GNB1: variants seen among roughly 807,000 people sequenced by gnomAD.
GNB1 encodes the protein guanine nucleotide-binding protein G(I)/G(S)/G(T) subunit beta-1.
A neutral mutation model predicts 42.9 loss-of-function variants in GNB1; 2 were observed. That is an observed-to-expected ratio of 0.05 (90% CI 0.02 to 0.15). The LOEUF is 0.15. GNB1 is among the 10% of genes least tolerant of loss of function. GNB1 has a pLI of 1.00. For synonymous variants in GNB1, 183 were observed against 174.7 expected (o/e 1.05, Z -0.38); for missense variants, 193 against 462.2 (o/e 0.42, Z 5.34).
chr1:1,845,880 T>C (rs1464583891), intron 1 of GNB1, among the ~76,000 whole-genome samples: 1 of 147,026 alleles, frequency 6.8e-6, no homozygotes, highest in Non-Finnish European at 1.5e-5. Context: ...CACGTATATC[T>C]CCTATCTCTT....
chr1:1,868,701 A>G (rs1308822318), intron 1 of GNB1, among the ~76,000 whole-genome samples: 1 of 151,176 alleles, frequency 6.6e-6, no homozygotes, highest in African/African-American at 2.4e-5. Context: ...AATTGCTTGA[A>G]CCCAGGAGGC....
intron 7 of GNB1, among the ~76,000 whole-genome samples, chr1:1,802,641 C>T (rs905722267): frequency 6.6e-6 from 1 of 151,652 alleles, no homozygotes; most frequent in Non-Finnish European, 1.5e-5. Context: ...TGGTGGTGCA[C>T]GCCTGTAATC....
In GNB1 at chr1:1,790,491, A is replaced by G; in HGVS notation, c.603T>C (p.Ser201=). 1.2e-6 allele frequency: 2 copies of G among 1,613,722 alleles called. No homozygotes were observed. Among genetic ancestry groups the G allele is most frequent in the Non-Finnish European group, 1.7e-6 (2 of 1,179,656 alleles). The change falls in exon 9 of 12, where the codon TCT becomes TCC. Residue 201 remains serine (S), a synonymous_variant. Coordinates refer to ENST00000378609, the MANE Select transcript of GNB1 (RefSeq NM_002074.5). The surrounding 1 kb of genome is among the most constrained non-coding windows in gnomAD (Gnocchi z 5.4). ...SLAPDTRLFV[S]GACDASAKLW... ...GTTTGGCTGAAGCATCACAAGCACC[A>G]GAGACGAACAGTCTGGTGTCAGGAG...
intron 2 of GNB1, 183 bp from the exon 3 acceptor site, chr1:1,825,682 G>A: frequency 2.6e-6 from 1 of 387,618 alleles, no homozygotes; most frequent in Non-Finnish European, 4.8e-6. Flanking sequence ...GGCTAACACG[G>A]TCAAACCCCT....
At chr1:1,798,098 G>A (rs1028120442) in intron 7 of GNB1, among the ~76,000 whole-genome samples, 2 of 152,256 alleles carry the variant, frequency 1.3e-5, no homozygotes, top group African/African-American at 4.8e-5. Flanking sequence ...TTCAAGTTCA[G>A]TAAGAAGGAA....
At chr1:1,836,857 T>TA (rs1491256414) in intron 2 of GNB1, among the ~76,000 whole-genome samples, 2 of 44,752 alleles carry the variant, frequency 4.5e-5, no homozygotes, top group East Asian at 8.9e-4. Context: ...GACTGCTAAC[T>TA]TTTTTTTTTT....
At chr1:1,847,898 C>A (rs1647758232) in intron 1 of GNB1, among the ~76,000 whole-genome samples, 1 of 152,184 alleles carries the variant, frequency 6.6e-6, no homozygotes, top group African/African-American at 2.4e-5. Context: ...GTCAGTACTT[C>A]CAACGTGGTG....
intron 3 of GNB1, among the ~76,000 whole-genome samples, chr1:1,822,568 G>A (rs1646945272): frequency 6.6e-6 from 1 of 152,128 alleles, no homozygotes; most frequent in South Asian, 2.1e-4. Flanking sequence ...ACATGCCTCA[G>A]CCTCCCAAAG....
rs1039233661 is a variant in GNB1, at chr1:1,790,316, GAA to G, written c.699+77_699+78del. On this transcript the variant is annotated intron_variant, in intron 9 of 11. Transcript: ENST00000378609. This position sits in a 1 kb window ranked among gnomAD's most constrained non-coding sequence, Gnocchi z 5.4. ...ATCAGAAAGGAGAACATCTAATCCA[GAA>G]AAGTTTAAAATTTAGCAATCTGAAC... 4 of 993,536 alleles carry G rather than the reference GAA, an allele frequency of 4.0e-6. No individual in the cohort carries two copies. Among genetic ancestry groups the G allele is most frequent in the Middle Eastern group, 4.2e-4 (2 of 4,814 alleles). 61.5% of individuals were successfully genotyped at this position (993,536 alleles called of 1,614,324 possible).
chr1:1,866,991 G>A (rs1464676795), intron 1 of GNB1, among the ~76,000 whole-genome samples: 1 of 152,032 alleles, frequency 6.6e-6, no homozygotes, highest in Non-Finnish European at 1.5e-5. Flanking sequence ...TCTAGGCCGG[G>A]TGCAGTGGCT....
At chr1:1,818,918 A>T (rs559446162) in intron 3 of GNB1, among the ~76,000 whole-genome samples, 10 of 152,078 alleles carry the variant, frequency 6.6e-5, no homozygotes, top group African/African-American at 2.4e-4. Flanking sequence ...AAAAATAAAT[A>T]AATTCTATGG....
chr1:1,797,102 C>G (rs1363556058), intron 7 of GNB1, among the ~76,000 whole-genome samples: 1 of 152,166 alleles, frequency 6.6e-6, no homozygotes, highest in African/African-American at 2.4e-5. Context: ...AAGAAGGACA[C>G]ACAAGCGTGG....
intron 7 of GNB1, among the ~76,000 whole-genome samples, chr1:1,799,526 A>G (rs912911869): frequency 6.6e-6 from 1 of 152,202 alleles, no homozygotes; most frequent in Non-Finnish European, 1.5e-5. Context: ...CGTCAGACAG[A>G]GCTGTGTGGT....
intron 5 of GNB1, among the ~76,000 whole-genome samples, chr1:1,814,948 T>TA (rs2100845827): frequency 6.6e-6 from 1 of 151,098 alleles, no homozygotes; most frequent in South Asian, 2.1e-4. Context: ...CCATCTCTAC[T>TA]AAAAATACAA....
At chr1:1,868,757 G>A (rs1649082090) in intron 1 of GNB1, among the ~76,000 whole-genome samples, 1 of 151,906 alleles carries the variant, frequency 6.6e-6, no homozygotes, top group Admixed American at 6.6e-5. Flanking sequence ...TCCAGCCTGG[G>A]TGACAGAGTG....
rs1366099065 is a variant in GNB1, at chr1:1,787,591, G to C, written c.917-154C>G. On this transcript the variant is annotated intron_variant, in intron 10 of 11. Transcript: ENST00000378609. The surrounding 1 kb of genome is among the most constrained non-coding windows in gnomAD (Gnocchi z 4.4). ...AGGGAGGGAAAGTTGCATCCACGTG[G>C]GGAATTAACCTGCAGCATATGGCCA... Among the ~76,000 whole-genome samples, 1 of 152,100 alleles carries C rather than the reference G, an allele frequency of 6.6e-6. No homozygotes were observed. The highest frequency in any genetic ancestry group is 2.4e-5 in the African/African-American group (1 of 41,426).
intron 2 of GNB1, among the ~76,000 whole-genome samples, chr1:1,832,493 A>G (rs1647090380): frequency 6.6e-6 from 1 of 152,146 alleles, no homozygotes; most frequent in African/African-American, 2.4e-5. Flanking sequence ...CTTTTGAGAG[A>G]GATTTGAATA....
intron 1 of GNB1, among the ~76,000 whole-genome samples, chr1:1,863,361 T>G (rs1242962983): frequency 1.3e-5 from 2 of 152,178 alleles, no homozygotes; most frequent in Non-Finnish European, 2.9e-5. Flanking sequence ...TGAGATAATT[T>G]GACTGATTTT....
intron 2 of GNB1, among the ~76,000 whole-genome samples, chr1:1,833,089 C>T (rs1275300566): frequency 3.3e-5 from 5 of 152,144 alleles, no homozygotes; most frequent in Non-Finnish European, 7.3e-5. Context: ...GTCACCTGGT[C>T]ACCAGCTAGC....
Sources: allele counts gnomAD v4.1 joint callset (sites outside exome capture counted in the v4.1 genomes callset), GRCh38; gene constraint gnomAD v4.1.1; non-coding constraint Gnocchi (gnomAD v3.1); transcripts MANE v1.5; gene names NCBI Gene and HGNC (gene_info 2026-07-23, HGNC 2026-07-21).